The following KCND3 variants were observed in gnomAD, a reference collection of about 807,000 sequenced individuals.
KCND3 encodes the protein A-type voltage-gated potassium channel KCND3.
In KCND3, 9 loss-of-function variants were observed where a neutral mutation model predicts 51.1. The ratio of observed to expected loss-of-function variants is 0.18; its 90% CI spans 0.11 to 0.31. The LOEUF is 0.31. Ranked by LOEUF, KCND3 falls within the 10% of genes least tolerant of loss-of-function variation. The pLI, the probability that KCND3 is intolerant of heterozygous loss-of-function variation, is 1.00. For missense variants in KCND3, 526 were observed against 903.8 expected (o/e 0.58, Z 5.36); for synonymous variants, 349 against 368.0 (o/e 0.95, Z 0.59).
Position 111,801,835 on chromosome 1 carries a change from T to C in KCND3, c.1107-14729A>G, listed in dbSNP as rs183763191. Among the ~76,000 whole-genome samples the C allele has an allele frequency of 3.1e-3, 467 of 152,272 alleles. 2 individuals carry two copies. Among genetic ancestry groups the C allele is most frequent in the Non-Finnish European group, 3.2e-3 (221 of 68,018 alleles). On this transcript the variant is annotated intron_variant, in intron 2 of 7. Coordinates refer to ENST00000302127, the MANE Select transcript of KCND3 (RefSeq NM_001378969.1). ...AGAACCAGAAGTTATCCCTCTTCCA[T>C]TAAGTCTCAGACTCTTACAGGTCTT...
intron 2 of KCND3, among the ~76,000 whole-genome samples, chr1:111,950,968 C>G (rs576768919): frequency 1.3e-5 from 2 of 151,802 alleles, no homozygotes; most frequent in African/African-American, 4.8e-5. Context: ...GTCAGGAGTT[C>G]GAGACTAGCC....
At chr1:111,934,142 T>C (rs545795650) in intron 2 of KCND3, among the ~76,000 whole-genome samples, 2 of 152,214 alleles carry the variant, frequency 1.3e-5, no homozygotes, top group East Asian at 3.9e-4. Context: ...TCACTCCAAG[T>C]CGCCAGGTTG....
chr1:111,798,046 C>A (rs1023008804), intron 2 of KCND3, among the ~76,000 whole-genome samples: 9 of 152,136 alleles, frequency 5.9e-5, no homozygotes, highest in African/African-American at 1.9e-4. Context: ...ACTTATTGTA[C>A]CTATTCGTCC....
At chr1:111,881,823 C>A (rs192607591) in intron 2 of KCND3, among the ~76,000 whole-genome samples, 5 of 152,322 alleles carry the variant, frequency 3.3e-5, no homozygotes, top group African/African-American at 9.6e-5. Context: ...TTCAGTGATA[C>A]CCATTTTGGT....
chr1:111,930,736 C>G (rs1671928656), intron 2 of KCND3, among the ~76,000 whole-genome samples: 1 of 152,114 alleles, frequency 6.6e-6, no homozygotes, highest in Admixed American at 6.5e-5. Context: ...CTTAAAAGCC[C>G]CTCTGAGTCT....
chr1:111,784,850 G>A lies in KCND3; in HGVS notation c.1269+2094C>T, dbSNP rs575655439. On this transcript the variant is annotated intron_variant, in intron 3 of 7. Transcript: ENST00000302127. ...AGGGAAAGGGTCAGGGTGGGAGGGA[G>A]ACCCATCTTTAGCAGCGAGAGGAAG... Among the ~76,000 whole-genome samples, 30 of 152,218 alleles carry A rather than the reference G, an allele frequency of 2.0e-4. No individual in the cohort carries two copies. In the South Asian group the frequency reaches 6.0e-3, roughly 31 times the overall value.
At chr1:111,965,477 CA>C in intron 2 of KCND3, among the ~76,000 whole-genome samples, 1 of 150,424 alleles carries the variant, frequency 6.6e-6, no homozygotes, top group African/African-American at 2.5e-5. Context: ...CACACACACA[CA>C]CACACACACA....
chr1:111,904,888 G>C (rs1031027630), intron 2 of KCND3, among the ~76,000 whole-genome samples: 4 of 152,146 alleles, frequency 2.6e-5, no homozygotes, highest in Non-Finnish European at 5.9e-5. Context: ...CACCACCCTC[G>C]GGGGCTCCCA....
At chr1:111,967,089 G>A (rs1674035969) in intron 2 of KCND3, among the ~76,000 whole-genome samples, 2 of 149,066 alleles carry the variant, frequency 1.3e-5, no homozygotes, top group South Asian at 2.1e-4. Context: ...GCAGTGAGCC[G>A]AGATCACGCC....
Position 111,779,479 on chromosome 1 carries a change from G to C in KCND3, c.1461+746C>G, listed in dbSNP as rs544115413. 1.6e-3 allele frequency among the ~76,000 whole-genome samples: 249 copies of C among 152,274 alleles called. 1 individual carries two copies. Among genetic ancestry groups the C allele is most frequent in the African/African-American group, 5.8e-3 (240 of 41,542 alleles). On this transcript the variant is annotated intron_variant, in intron 5 of 7. Coordinates refer to ENST00000302127, the MANE Select transcript of KCND3 (RefSeq NM_001378969.1). ...AAAGGAGCAGGAAGGCTTTCACTTT[G>C]TTTCTCCTTGGCTTTTCTACTCTGA... is the stretch of plus-strand genomic sequence containing the variant.
At chr1:111,938,170 C>T (rs1054639502) in intron 2 of KCND3, among the ~76,000 whole-genome samples, 1 of 152,128 alleles carries the variant, frequency 6.6e-6, no homozygotes, top group Non-Finnish European at 1.5e-5. Flanking sequence ...TCATCAAACC[C>T]AGCCTTCCAT....
chr1:111,921,761 C>T (rs1363400828), intron 2 of KCND3, among the ~76,000 whole-genome samples: 1 of 152,084 alleles, frequency 6.6e-6, no homozygotes, highest in Non-Finnish European at 1.5e-5. Context: ...TCTCCCAGGC[C>T]TTTGTTAGGA....
At chr1:111,959,064 A>ACT (rs766316446) in intron 2 of KCND3, among the ~76,000 whole-genome samples, 2 of 152,220 alleles carry the variant, frequency 1.3e-5, no homozygotes, top group Non-Finnish European at 2.9e-5. Flanking sequence ...AGTCAGCCAG[A>ACT]CTGCATAACA....
At chr1:111,855,891 G>C (rs927883003) in intron 2 of KCND3, among the ~76,000 whole-genome samples, 3 of 152,222 alleles carry the variant, frequency 2.0e-5, no homozygotes, top group Non-Finnish European at 4.4e-5. Flanking sequence ...CCAAAGCCTA[G>C]GAGAAGAGAA....
chr1:111,975,765 C>G (rs114586609), intron 2 of KCND3, among the ~76,000 whole-genome samples: 1 of 152,188 alleles, frequency 6.6e-6, no homozygotes, highest in African/African-American at 2.4e-5. Flanking sequence ...CCTGCTCTTG[C>G]AGCTTGACCA....
chr1:111,858,474 A>G (rs1668191147), intron 2 of KCND3, among the ~76,000 whole-genome samples: 1 of 152,156 alleles, frequency 6.6e-6, no homozygotes, highest in African/African-American at 2.4e-5. Flanking sequence ...CTCCATAAAA[A>G]CTTTTTAAAA....
intron 2 of KCND3, among the ~76,000 whole-genome samples, chr1:111,802,724 T>A (rs1665374486): frequency 6.6e-6 from 1 of 152,078 alleles, no homozygotes; most frequent in African/African-American, 2.4e-5. Flanking sequence ...ACTAAATGGG[T>A]CCCCAACTTA....
At chr1:111,807,252 T>C (rs1665612118) in intron 2 of KCND3, among the ~76,000 whole-genome samples, 1 of 152,270 alleles carries the variant, frequency 6.6e-6, no homozygotes, top group Admixed American at 6.5e-5. Context: ...TGGTCAGTGA[T>C]GAACTGCATA....
chr1:111,987,988 G>C (rs1406511565), intron 1 of KCND3, among the ~76,000 whole-genome samples: 2 of 152,116 alleles, frequency 1.3e-5, no homozygotes, highest in South Asian at 4.2e-4. Flanking sequence ...CTATTTTGGA[G>C]GTAAAAGGCC....
Sources: gnomAD v4.1 joint callset for allele counts (sites outside exome capture counted in the v4.1 genomes callset) on GRCh38, gnomAD v4.1.1 for gene constraint, MANE v1.5 for transcripts, NCBI Gene and HGNC (gene_info 2026-07-23, HGNC 2026-07-21) for gene names.